MOSPD2: variants seen among roughly 807,000 people sequenced by gnomAD.
MOSPD2 encodes motile sperm domain-containing protein 2.
A neutral mutation model predicts 41.7 loss-of-function variants in MOSPD2; 5 were observed. The observed-to-expected ratio is 0.12, with a 90% CI of 0.06 to 0.25. The LOEUF is 0.25. Ranked by LOEUF, MOSPD2 falls within the 10% of genes least tolerant of loss-of-function variation. MOSPD2 has a pLI of 1.00. For synonymous variants in MOSPD2, 115 were observed against 126.9 expected (o/e 0.91, Z 0.63); for missense variants, 282 against 375.2 (o/e 0.75, Z 2.05).
At position 14,903,001 on chromosome X, in the gene MOSPD2, A is replaced by T; in HGVS notation, c.574A>T (p.Asn192Tyr). Residue 192 changes from asparagine (N) to tyrosine (Y), a missense_variant, in exon 7 of 15, where the codon AAT becomes TAT. Transcript: ENST00000380492. The part of the protein sequence containing the change: ...IVIFDMPWLM[N>Y]AAFKIVKTWL... The stretch of plus-strand genomic sequence containing the variant: ...GATCTTTGATATGCCTTGGTTAATG[A>T]ATGGTGAGTATATTTATACTTTCTT... 8.9e-7 allele frequency: 1 copy of T among 1,129,622 alleles called. No homozygotes were observed. The highest frequency in any genetic ancestry group is 1.2e-6 in the Non-Finnish European group (1 of 822,951). 93.1% of individuals were successfully genotyped at this position (1,129,622 alleles called of 1,213,427 possible).
intron 7 of MOSPD2, among the ~76,000 whole-genome samples, chrX:14,903,680 A>G (rs2092576942): frequency 8.9e-6 from 1 of 112,605 alleles, no homozygotes; most frequent in African/African-American, 3.2e-5. Flanking sequence ...TGTGTTTGCA[A>G]AAGTCAGTTG....
chrX:14,912,401 T>A (rs774796233), intron 10 of MOSPD2, 40 bp downstream of exon 10: 1 of 895,420 alleles, frequency 1.1e-6, no homozygotes, highest in Admixed American at 3.5e-5. Flanking sequence ...TTTTATAACA[T>A]ATCTTGATCA....
At position 14,921,058 on chromosome X, in the gene MOSPD2, C is replaced by T. The variant is rs1050989862; in HGVS notation, c.*1249C>T. ...TAAAATCCTAAAAAGATACACCTTG[C>T]AGTAGCAGAGGCAATGACATGAGTT... On this transcript the variant is annotated 3_prime_UTR_variant, in exon 15 of 15. Coordinates refer to ENST00000380492, the MANE Select transcript of MOSPD2 (RefSeq NM_152581.4). The T allele has an allele frequency of 1.6e-4, 124 of 776,380 alleles. No individual in the cohort carries two copies. The highest frequency in any genetic ancestry group is 1.9e-4 in the Non-Finnish European group (124 of 655,018). The allele number at this position is 776,380 out of a possible 1,213,427, so 64.0% of individuals were successfully genotyped here. A position where few individuals can be genotyped will look rare whatever the true frequency, so the allele number is the denominator to read the frequency against.
At chrX:14,914,762 G>T (rs112479192) in intron 11 of MOSPD2, among the ~76,000 whole-genome samples, 163 bp downstream of exon 11, 3,421 of 111,494 alleles carry the variant, frequency 0.031, 99 homozygotes, top group African/African-American at 0.091. Flanking sequence ...TAACCAAGTC[G>T]CATAGCTTTA....
rs1381580131 is a variant in MOSPD2 at position 14,877,970 on chromosome X, T to TC, written c.79+4214dup. Among the ~76,000 whole-genome samples, 30 of 104,943 alleles carry TC rather than the reference T, an allele frequency of 2.9e-4. No homozygotes were observed. The Admixed American group carries it at 3.1e-3, about 11-fold the overall frequency. The allele number at this position is 104,943 out of a possible 115,157, so 91.1% of individuals were successfully genotyped here. A position where few individuals can be genotyped will look rare whatever the true frequency, so the allele number is the denominator to read the frequency against. ...TCCAGCCTGGGCGACAGAGCAAGAC[T>TC]CCATCTCAAAAAAAAAAAAAATTCC... On this transcript the variant is annotated intron_variant, in intron 2 of 14. Transcript: ENST00000380492.
intron 2 of MOSPD2, among the ~76,000 whole-genome samples, chrX:14,889,285 C>T (rs979470653): frequency 1.8e-5 from 2 of 111,611 alleles, no homozygotes; most frequent in African/African-American, 6.5e-5. Flanking sequence ...CTGAACTTAC[C>T]CAAGGACTGG....
chrX:14,916,016 A>G (rs1264188362), intron 12 of MOSPD2, among the ~76,000 whole-genome samples, 181 bp from the exon 13 acceptor site: 2 of 112,793 alleles, frequency 1.8e-5, no homozygotes, highest in East Asian at 5.5e-4. Context: ...ACTGACACCA[A>G]TTGAAATTGA....
intron 2 of MOSPD2, among the ~76,000 whole-genome samples, chrX:14,890,675 A>C (rs1172227534): frequency 8.9e-6 from 1 of 111,817 alleles, no homozygotes; most frequent in African/African-American, 3.3e-5. Context: ...ATCCTCACAC[A>C]GCATTGTGAG....
intron 8 of MOSPD2, among the ~76,000 whole-genome samples, chrX:14,910,971 A>G (rs949377427): frequency 9.0e-6 from 1 of 110,755 alleles, no homozygotes; most frequent in African/African-American, 3.3e-5. Flanking sequence ...AACAACATAT[A>G]CATTTAAAGC....
Position 14,911,307 on chromosome X carries a change from C to G in MOSPD2, c.773C>G (p.Pro258Arg), listed in dbSNP as rs1569106135. ...DFQTPLCENG[P>R]ITSEDETSSK... ...CAGACCCCACTGTGTGAGAATGGGCCTATTACCAGTGAGGATGAAACTTCA... is the reference window on the plus strand; with the variant it reads ...CAGACCCCACTGTGTGAGAATGGGCGTATTACCAGTGAGGATGAAACTTCA... The change falls in exon 9 of 15, where the codon CCT becomes CGT. Residue 258 changes from proline to arginine, a missense_variant. Transcript: ENST00000380492. 1 of 1,202,093 alleles carries G rather than the reference C, an allele frequency of 8.3e-7. No individual in the cohort carries two copies. The highest frequency in any genetic ancestry group is 3.0e-5 in the East Asian group (1 of 33,667).
chrX:14,894,933 A>C (rs1456111010), intron 3 of MOSPD2, among the ~76,000 whole-genome samples: 1 of 112,231 alleles, frequency 8.9e-6, no homozygotes, highest in Admixed American at 9.4e-5. Context: ...TTACTAAAGA[A>C]ACCAAAGTGA....
Position 14,888,212 on chromosome X carries a change from A to G in MOSPD2, c.80-4511A>G, listed in dbSNP as rs867260330. Among the ~76,000 whole-genome samples the G allele has an allele frequency of 7.8e-3, 671 of 86,574 alleles. 10 individuals carry two copies. The highest frequency in any genetic ancestry group is 0.04 in the African/African-American group (616 of 15,278). 75.2% of individuals were successfully genotyped at this position (86,574 alleles called of 115,157 possible). On this transcript the variant is annotated intron_variant, in intron 2 of 14. Transcript: ENST00000380492. ...AGAATATATACACACACACGCACAC[A>G]CACACACACACACACACACACACAC...
At chrX:14,893,697 CCTCA>C (rs1204525616) in intron 3 of MOSPD2, among the ~76,000 whole-genome samples, 1 of 112,415 alleles carries the variant, frequency 8.9e-6, no homozygotes, top group Non-Finnish European at 1.9e-5. Flanking sequence ...CAGATACTCT[CCTCA>C]CTCTTCATGC....
chrX:14,874,411 CTT>C (rs757385615), intron 2 of MOSPD2: 334 of 112,177 alleles, frequency 3.0e-3, no homozygotes, highest in Non-Finnish European at 4.4e-3. Flanking sequence ...TACGGAATAA[CTT>C]ATTGTAAATA....
intron 11 of MOSPD2, 95 bp from the exon 12 acceptor site, chrX:14,915,573 T>C (rs935178784): frequency 6.5e-6 from 3 of 463,250 alleles, no homozygotes; most frequent in Non-Finnish European, 9.7e-6. Flanking sequence ...AAAATAAAAA[T>C]AAAAATAAAA....
intron 10 of MOSPD2, 30 bp downstream of exon 10, chrX:14,912,391 T>C (rs1229321842): frequency 4.2e-6 from 4 of 941,645 alleles, no homozygotes; most frequent in Non-Finnish European, 5.7e-6. Context: ...TTAGCTATAA[T>C]TTTATAACAT....
chrX:14,881,047 G>T (rs2092530458), intron 2 of MOSPD2, among the ~76,000 whole-genome samples: 1 of 110,553 alleles, frequency 9.0e-6, no homozygotes, highest in Non-Finnish European at 1.9e-5. Flanking sequence ...TGTTATTGTT[G>T]TTTTATATAT....
chrX:14,915,624 A>G, intron 11 of MOSPD2, 44 bp from the exon 12 acceptor site: 1 of 976,966 alleles, frequency 1.0e-6, no homozygotes, highest in Non-Finnish European at 1.4e-6. Context: ...TTTCCCCCCA[A>G]AAAAGCATAA....
intron 13 of MOSPD2, 31 bp downstream of exon 13, chrX:14,916,357 G>A (rs750628673): frequency 2.5e-6 from 3 of 1,205,800 alleles, no homozygotes; most frequent in Non-Finnish European, 3.4e-6. Context: ...CTTCTCAAAT[G>A]TAGTGGGAAG....
Sources: gnomAD v4.1 joint callset for allele counts (sites outside exome capture counted in the v4.1 genomes callset) on GRCh38, gnomAD v4.1.1 for gene constraint, MANE v1.5 for transcripts, NCBI Gene and HGNC (gene_info 2026-07-23, HGNC 2026-07-21) for gene names.